Variants in KIAA0825 observed in about 807,000 individuals in gnomAD.
KIAA0825 encodes uncharacterized protein KIAA0825.
In KIAA0825, 119 loss-of-function variants were observed where a neutral mutation model predicts 147.6. The ratio of observed to expected loss-of-function variants is 0.81; its 90% CI spans 0.69 to 0.94. KIAA0825 has a LOEUF of 0.94. Ranked by LOEUF, KIAA0825 falls within the 40% of genes least tolerant of loss-of-function variation. KIAA0825 has a pLI of 0.00. For missense variants in KIAA0825, 1,381 were observed against 1,472.7 expected, an observed-to-expected ratio of 0.94 and a Z score of 1.02; for synonymous variants, 470 against 518.1, an observed-to-expected ratio of 0.91 and a Z score of 1.26.
At chr5:94,157,134 A>G (rs1767106444) in intron 20 of KIAA0825, among the ~76,000 whole-genome samples, 1 of 152,178 alleles carries the variant, frequency 6.6e-6, no homozygotes, top group Non-Finnish European at 1.5e-5. Context: ...GAAACCAGAA[A>G]ATGTTGGAAG....
At chr5:94,231,076 A>G (rs1774653578) in intron 20 of KIAA0825, among the ~76,000 whole-genome samples, 1 of 152,134 alleles carries the variant, frequency 6.6e-6, no homozygotes, top group South Asian at 2.1e-4. Context: ...ACCCAATAGA[A>G]AGTTTTCCCA....
chr5:94,519,933 T>TTA (rs1349568765), intron 5 of KIAA0825: 2 of 790,178 alleles, frequency 2.5e-6, no homozygotes, highest in Non-Finnish European at 3.1e-6. Context: ...ATATACTCAT[T>TTA]TATATATATG....
rs1160092670 is a variant in KIAA0825, at chr5:94,396,243, A to T, written c.3154T>A (p.Cys1052Ser). ...RWSKEKLGLI[C>S]MCLKSIMGDQ... The stretch of plus-strand genomic sequence containing the variant: ...CCCATGATGCTTTTCAAACACATAC[A>T]AATTAAACCCAATTTTTCTTTACTC... Residue 1052 changes from cysteine to serine, a missense_variant, in exon 17 of 21, where the codon TGT (cysteine) becomes AGT (serine). Transcript: ENST00000682413. 2.6e-6 allele frequency: 4 copies of T among 1,551,726 alleles called. No individual in the cohort carries two copies. The highest frequency in any genetic ancestry group is 3.5e-6 in the Non-Finnish European group (4 of 1,146,952).
chr5:94,221,950 T>C (rs917151790), intron 20 of KIAA0825, among the ~76,000 whole-genome samples: 7 of 152,192 alleles, frequency 4.6e-5, no homozygotes, highest in African/African-American at 1.7e-4. Flanking sequence ...CCCACGCCTT[T>C]GCCCGTCTAG....
intron 20 of KIAA0825, among the ~76,000 whole-genome samples, chr5:94,343,373 T>C (rs1202486625): frequency 6.6e-6 from 1 of 152,180 alleles, no homozygotes; most frequent in African/African-American, 2.4e-5. Flanking sequence ...TAAAATCTTC[T>C]ATTTACCAAA....
intron 20 of KIAA0825, among the ~76,000 whole-genome samples, chr5:94,323,588 A>G (rs1171651020): frequency 1.3e-5 from 2 of 151,762 alleles, no homozygotes; most frequent in Non-Finnish European, 1.5e-5. Flanking sequence ...TGAAAAGTGT[A>G]TTCAGTAAAA....
intron 20 of KIAA0825, among the ~76,000 whole-genome samples, chr5:94,359,654 C>T (rs531818814): frequency 4.6e-5 from 7 of 152,122 alleles, no homozygotes; most frequent in Middle Eastern, 3.4e-3. Context: ...AGGCAGAGAC[C>T]GTGGGCTTGA....
intron 20 of KIAA0825, among the ~76,000 whole-genome samples, chr5:94,270,043 T>C (rs1400681747): frequency 6.6e-6 from 1 of 152,038 alleles, no homozygotes; most frequent in Non-Finnish European, 1.5e-5. Context: ...TTGAAAAACT[T>C]AGAAGAAATA....
intron 17 of KIAA0825, 78 bp downstream of exon 17, chr5:94,396,023 A>T (rs1584367910): frequency 7.6e-7 from 1 of 1,313,470 alleles, no homozygotes; most frequent in Non-Finnish European, 1.0e-6. Context: ...CCATCTGACA[A>T]TATATTGTCA....
chr5:94,585,607 T>C (rs1248582124), intron 1 of KIAA0825, among the ~76,000 whole-genome samples: 2 of 152,060 alleles, frequency 1.3e-5, no homozygotes, highest in Admixed American at 1.3e-4. Context: ...TTTAACACCC[T>C]GCTGTCAATA....
At chr5:94,612,989 G>T (rs1328556793) in intron 1 of KIAA0825, among the ~76,000 whole-genome samples, 2 of 152,156 alleles carry the variant, frequency 1.3e-5, no homozygotes, top group Non-Finnish European at 2.9e-5. Flanking sequence ...GTGGCTCAGG[G>T]AATTTAAGTA....
chr5:94,472,341 G>A (rs1032403981), intron 8 of KIAA0825, among the ~76,000 whole-genome samples: 2 of 152,172 alleles, frequency 1.3e-5, no homozygotes, highest in African/African-American at 4.8e-5. Context: ...GAATGGAAAA[G>A]TAAAGCCTAT....
chr5:94,430,281 A>G (rs1755493921), intron 14 of KIAA0825, among the ~76,000 whole-genome samples: 1 of 152,176 alleles, frequency 6.6e-6, no homozygotes, highest in Non-Finnish European at 1.5e-5. Context: ...AGTCTAAAAC[A>G]CTGCCTGGTA....
intron 20 of KIAA0825, among the ~76,000 whole-genome samples, chr5:94,200,380 TC>T (rs920516857): frequency 6.6e-6 from 1 of 152,140 alleles, no homozygotes; most frequent in African/African-American, 2.4e-5. Flanking sequence ...GTGGTCTGCA[TC>T]CTTCCTCTAT....
At chr5:94,248,441 CAAATGG>C (rs1562333437) in intron 20 of KIAA0825, among the ~76,000 whole-genome samples, 1 of 152,138 alleles carries the variant, frequency 6.6e-6, no homozygotes, top group East Asian at 1.9e-4. Context: ...GTCATCAACA[CAAATGG>C]AAATAGATTT....
intron 20 of KIAA0825, among the ~76,000 whole-genome samples, chr5:94,329,889 C>T (rs1044570372): frequency 6.6e-6 from 1 of 151,694 alleles, no homozygotes; most frequent in African/African-American, 2.4e-5. Flanking sequence ...TTTGATCACA[C>T]AGAGGTAAAG....
chr5:94,417,426 T>C, intron 14 of KIAA0825, 61 bp from the exon 15 acceptor site: 2 of 1,367,586 alleles, frequency 1.5e-6, no homozygotes, highest in Non-Finnish European at 2.0e-6. Flanking sequence ...GTGAATATGA[T>C]TAAACTCTTA....
chr5:94,512,627 G>A (rs1766659892), intron 5 of KIAA0825, among the ~76,000 whole-genome samples: 1 of 150,892 alleles, frequency 6.6e-6, no homozygotes, highest in African/African-American at 2.4e-5. Flanking sequence ...AGAGTGTGGT[G>A]GCTCATGCGT....
intron 20 of KIAA0825, among the ~76,000 whole-genome samples, chr5:94,210,344 T>C (rs1772592382): frequency 6.6e-6 from 1 of 152,212 alleles, no homozygotes. Flanking sequence ...GTGCACTTGC[T>C]GCTGCAGAAG....
Sources: gnomAD v4.1 joint callset for allele counts (sites outside exome capture counted in the v4.1 genomes callset) on GRCh38, gnomAD v4.1.1 for gene constraint, MANE v1.5 for transcripts, NCBI Gene and HGNC (gene_info 2026-07-23, HGNC 2026-07-21) for gene names.